CELF1: variants seen among roughly 807,000 people sequenced by gnomAD.
The protein encoded by CELF1 is CUGBP Elav-like family member 1, also known as 50 kDa nuclear polyadenylated RNA-binding protein.
Under a neutral mutation model 61.8 loss-of-function variants are expected in CELF1, and 10 were observed. The ratio of observed to expected loss-of-function variants is 0.16; its 90% CI spans 0.10 to 0.27. The LOEUF (loss-of-function observed/expected upper bound fraction) is 0.27, where lower values mean the gene tolerates loss of function less well. Among genes scored for constraint, CELF1 ranks in the 10% least tolerant of loss-of-function variants. The probability of loss-of-function intolerance (pLI) is 1.00; values close to 1 mark genes in which losing one functional copy is unlikely to be tolerated. For missense variants in CELF1, 380 were observed against 639.1 expected (o/e 0.59, Z 4.37); for synonymous variants, 236 against 225.1 (o/e 1.05, Z -0.43).
At chr11:47,560,263 C>T (rs758141332) in intron 2 of CELF1, among the ~76,000 whole-genome samples, 1 of 151,898 alleles carries the variant, frequency 6.6e-6, no homozygotes, top group African/African-American at 2.4e-5. Flanking sequence ...TGCTCTCAGC[C>T]TGGGTGATGG....
intron 2 of CELF1, among the ~76,000 whole-genome samples, chr11:47,561,903 C>T (rs2097226730): frequency 6.6e-6 from 1 of 151,638 alleles, no homozygotes; most frequent in South Asian, 2.1e-4. Flanking sequence ...AAGCATAAGA[C>T]AGGTATCAAC....
At chr11:47,553,575 G>T (rs77043953), upstream of CELF1, among the ~76,000 whole-genome samples, 2,428 of 152,288 alleles carry the variant, frequency 0.016, 51 homozygotes, top group African/African-American at 0.048. Flanking sequence ...CTTGGCCAGC[G>T]TTGGGCACAT....
intron 9 of CELF1, among the ~76,000 whole-genome samples, chr11:47,480,357 G>A (rs1356754102): frequency 6.6e-6 from 1 of 152,186 alleles, no homozygotes; most frequent in East Asian, 1.9e-4. Flanking sequence ...AAAATGCTGG[G>A]ATTACAGGCA....
intron 1 of CELF1, among the ~76,000 whole-genome samples, chr11:47,544,850 T>A (rs1422844948): frequency 2.0e-5 from 3 of 151,538 alleles, no homozygotes; most frequent in Non-Finnish European, 4.4e-5. Context: ...TAATCCCAGC[T>A]ACTCGGAAGG....
intron 3 of CELF1, among the ~76,000 whole-genome samples, chr11:47,492,273 G>A (rs374909535): frequency 3.8e-4 from 58 of 152,230 alleles, no homozygotes; most frequent in African/African-American, 1.2e-3. Context: ...GAACTACTGC[G>A]CCTGGCCTAT....
At chr11:47,553,304 G>A (rs2097188518), upstream of CELF1, among the ~76,000 whole-genome samples, 1 of 152,140 alleles carries the variant, frequency 6.6e-6, no homozygotes, top group Non-Finnish European at 1.5e-5. Context: ...CTCGGGCTGG[G>A]AAGTGGAGGA....
At chr11:47,492,850 T>C (rs1234312551) in intron 3 of CELF1, among the ~76,000 whole-genome samples, 1 of 152,214 alleles carries the variant, frequency 6.6e-6, no homozygotes, top group Admixed American at 6.5e-5. Flanking sequence ...TTTCATTCTA[T>C]TTCTATTCTA....
At position 47,470,619 on chromosome 11, in the gene CELF1, A is replaced by C. The variant is rs1028370124; in HGVS notation, c.*1611T>G. 1 of 152,236 alleles carries C rather than the reference A, an allele frequency of 6.6e-6. No individual in the cohort carries two copies. Among genetic ancestry groups the C allele is most frequent in the Admixed American group, 6.5e-5 (1 of 15,280 alleles). The allele number at this position is 152,236 out of a possible 1,614,324, so 9.4% of individuals were successfully genotyped here. ...CACAGGGACAGCATGACAAGGAGAG[A>C]GCCCCCATCTGACTTAATAGCAAAC... On this transcript the variant is annotated 3_prime_UTR_variant, in exon 15 of 15. Coordinates refer to ENST00000687097, the MANE Select transcript of CELF1 (RefSeq NM_001376376.1).
rs534494151 is a variant in CELF1 at position 47,475,606 on chromosome 11, G to C, written c.1088-85C>G. 4 of 1,369,324 alleles carry C rather than the reference G, an allele frequency of 2.9e-6. No individual in the cohort carries two copies. In the East Asian group the frequency reaches 9.3e-5, roughly 32 times the overall value. 84.8% of individuals were successfully genotyped at this position (1,369,324 alleles called of 1,614,324 possible). ...AGTCTACTTGGGACATCTAGAAGAG[G>C]GAAAACTCCAAAGTTCTCCCCTTTA... On this transcript the variant is annotated intron_variant, in intron 12 of 14. Transcript: ENST00000687097.
At chr11:47,518,262 G>A (rs921641484) in intron 1 of CELF1, among the ~76,000 whole-genome samples, 20 of 152,244 alleles carry the variant, frequency 1.3e-4, no homozygotes, top group African/African-American at 4.1e-4. Flanking sequence ...CTCAAATAAC[G>A]TTCATGCAGC....
At chr11:47,531,300 T>C (rs1194285659) in intron 1 of CELF1, among the ~76,000 whole-genome samples, 1 of 151,178 alleles carries the variant, frequency 6.6e-6, no homozygotes, top group Non-Finnish European at 1.5e-5. Flanking sequence ...CCAGGCGCGG[T>C]GGCTCACGCC....
chr11:47,522,584 T>C (rs1034672238), intron 1 of CELF1, among the ~76,000 whole-genome samples: 1 of 150,562 alleles, frequency 6.6e-6, no homozygotes, highest in African/African-American at 2.4e-5. Context: ...TCCCAGCACT[T>C]TGGGAGGCCA....
intron 1 of CELF1, among the ~76,000 whole-genome samples, chr11:47,535,679 C>CAA (rs111271894): frequency 0.027 from 2,526 of 94,728 alleles, 95 homozygotes; most frequent in African/African-American, 0.088. Flanking sequence ...AACCCCATCT[C>CAA]AAAAAAAAAA....
rs549707146 is a variant in CELF1, at chr11:47,519,050, T to C, written c.-153-18118A>G. Among the ~76,000 whole-genome samples the C allele has an allele frequency of 2.8e-4, 42 of 152,358 alleles. No homozygotes were observed. In the South Asian group the frequency reaches 8.7e-3, roughly 32 times the overall value. On this transcript the variant is annotated intron_variant, in intron 1 of 14. Transcript: ENST00000687097. The stretch of plus-strand genomic sequence containing the variant: ...CCAGAAACTACTTCTGTAGAGACAC[T>C]TCCTGAGACAGTTAGGTTATAGGCC...
chr11:47,498,241 T>C (rs1402815714), intron 3 of CELF1, among the ~76,000 whole-genome samples: 1 of 148,734 alleles, frequency 6.7e-6, no homozygotes, highest in Non-Finnish European at 1.5e-5. Flanking sequence ...ACCTCATATC[T>C]ACAAAAAGTT....
At chr11:47,492,817 A>G (rs1273720348) in intron 3 of CELF1, among the ~76,000 whole-genome samples, 6 of 152,194 alleles carry the variant, frequency 3.9e-5, no homozygotes, top group Non-Finnish European at 7.3e-5. Context: ...TTGTAATAGC[A>G]TTTTACTAGA....
At chr11:47,491,033 T>G (rs1197011829) in intron 3 of CELF1, among the ~76,000 whole-genome samples, 1 of 151,678 alleles carries the variant, frequency 6.6e-6, no homozygotes, top group Non-Finnish European at 1.5e-5. Flanking sequence ...AGCTAATTTT[T>G]GTATTTTTAG....
rs570670818 is a variant in CELF1 at position 47,495,399 on chromosome 11, T to C, written c.71+4054A>G. ...GAATGGGGATGGGGGAAGGGAGACATGGAGAAGAAGAGGGGAATGGTTGCT... is the reference window on the plus strand; with the variant it reads ...GAATGGGGATGGGGGAAGGGAGACACGGAGAAGAAGAGGGGAATGGTTGCT... On this transcript the variant is annotated intron_variant, in intron 3 of 14. Transcript: ENST00000687097. Among the ~76,000 whole-genome samples, 36 of 152,162 alleles carry C rather than the reference T, an allele frequency of 2.4e-4. No individual in the cohort carries two copies. In the East Asian group the frequency reaches 5.2e-3, roughly 22 times the overall value.
intron 1 of CELF1, among the ~76,000 whole-genome samples, chr11:47,547,684 GA>G (rs1275685909): frequency 3.4e-4 from 24 of 70,752 alleles, no homozygotes; most frequent in South Asian, 2.7e-3. Flanking sequence ...AAAAAAAAAA[GA>G]AAAAAAAAAG....
Sources: allele counts gnomAD v4.1 joint callset (sites outside exome capture counted in the v4.1 genomes callset), GRCh38; gene constraint gnomAD v4.1.1; transcripts MANE v1.5; gene names NCBI Gene and HGNC (gene_info 2026-07-23, HGNC 2026-07-21).